Variants in PALM2AKAP2 observed in about 807,000 individuals in gnomAD.
PALM2AKAP2 encodes PALM2-AKAP2 fusion protein.
A neutral mutation model predicts 71.5 loss-of-function variants in PALM2AKAP2; 37 were observed. The observed-to-expected ratio is 0.52, with a 90% CI of 0.40 to 0.68. The LOEUF (loss-of-function observed/expected upper bound fraction) is 0.68, where lower values mean the gene tolerates loss of function less well. PALM2AKAP2 is among the 30% of genes least tolerant of loss of function. The probability of loss-of-function intolerance (pLI) is 0.00; values close to 1 mark genes in which losing one functional copy is unlikely to be tolerated. For synonymous variants in PALM2AKAP2, 468 were observed against 478.8 expected, an observed-to-expected ratio of 0.98 and a Z score of 0.29; for missense variants, 1,224 against 1,191.8, an observed-to-expected ratio of 1.03 and a Z score of -0.40.
chr9:110,122,412 A>T (rs140979655), intron 1 of PALM2AKAP2, among the ~76,000 whole-genome samples: 1 of 152,188 alleles, frequency 6.6e-6, no homozygotes, highest in Non-Finnish European at 1.5e-5. Context: ...TGCGGCTTCT[A>T]TGAGCACTGC....
At chr9:110,016,140 C>A in intron 7 of PALM2AKAP2, 101 bp downstream of exon 7, 1 of 1,136,618 alleles carries the variant, frequency 8.8e-7, no homozygotes, top group Non-Finnish European at 1.3e-6. Flanking sequence ...ACCAATCCAC[C>A]TTGCTAGAGT....
chr9:109,928,712 C>G (rs1029407599), intron 5 of PALM2AKAP2, among the ~76,000 whole-genome samples: 2 of 151,334 alleles, frequency 1.3e-5, no homozygotes, highest in Admixed American at 6.6e-5. Context: ...CACTCTGTCA[C>G]CCGGGCTGGA....
At chr9:109,862,351 T>G (rs975966186) in intron 1 of PALM2AKAP2, among the ~76,000 whole-genome samples, 1 of 152,202 alleles carries the variant, frequency 6.6e-6, no homozygotes, top group African/African-American at 2.4e-5. Context: ...ACTCAAACAA[T>G]GTAGTAGGAC....
chr9:109,834,488 G>A (rs1828399060), intron 1 of PALM2AKAP2, among the ~76,000 whole-genome samples: 1 of 152,208 alleles, frequency 6.6e-6, no homozygotes, highest in Non-Finnish European at 1.5e-5. Flanking sequence ...CAATCATCAT[G>A]TATTGGGATG....
chr9:110,006,283 T>C (rs914881816), intron 6 of PALM2AKAP2, among the ~76,000 whole-genome samples: 5 of 151,356 alleles, frequency 3.3e-5, no homozygotes, highest in African/African-American at 1.2e-4. Flanking sequence ...CTCTCTCTCT[T>C]CCTTTCTTTC....
At chr9:109,755,061 C>T (rs760793398) in intron 1 of PALM2AKAP2, among the ~76,000 whole-genome samples, 11 of 151,992 alleles carry the variant, frequency 7.2e-5, no homozygotes, top group Non-Finnish European at 1.5e-4. Flanking sequence ...CTCTGCCACC[C>T]GAGTCTAAGC....
chr9:109,757,112 C>T (rs1828975735), intron 1 of PALM2AKAP2, among the ~76,000 whole-genome samples: 2 of 152,196 alleles, frequency 1.3e-5, no homozygotes, highest in East Asian at 3.9e-4. Context: ...TTTATCCCCA[C>T]CTACCCTCAT....
chr9:110,142,474 A>G (rs1297528973), intron 2 of PALM2AKAP2, among the ~76,000 whole-genome samples: 2 of 152,250 alleles, frequency 1.3e-5, no homozygotes, highest in Non-Finnish European at 2.9e-5. Context: ...ATAAAAATGT[A>G]TAGTCCCTGC....
chr9:109,861,496 A>G (rs1564184837), intron 1 of PALM2AKAP2, among the ~76,000 whole-genome samples: 1 of 152,188 alleles, frequency 6.6e-6, no homozygotes, highest in Non-Finnish European at 1.5e-5. Flanking sequence ...AATACTTGCC[A>G]GGAAAATATA....
At chr9:109,931,641 G>C (rs529490265) in intron 5 of PALM2AKAP2, among the ~76,000 whole-genome samples, 1 of 152,164 alleles carries the variant, frequency 6.6e-6, no homozygotes, top group Non-Finnish European at 1.5e-5. Flanking sequence ...TCTTCCCCCC[G>C]TCCCTGAACT....
intron 1 of PALM2AKAP2, among the ~76,000 whole-genome samples, chr9:109,812,508 G>C (rs1564160170): frequency 6.6e-6 from 1 of 152,206 alleles, no homozygotes; most frequent in Non-Finnish European, 1.5e-5. Context: ...ATTTGGGAAA[G>C]GAAGGGGCAG....
chr9:109,662,466 C>T (rs1827414028), intron 1 of PALM2AKAP2, among the ~76,000 whole-genome samples: 1 of 152,204 alleles, frequency 6.6e-6, no homozygotes, highest in South Asian at 2.1e-4. Flanking sequence ...TGATGGATTA[C>T]GTTTATTGAT....
chr9:110,074,800 C>G (rs1309205231), intron 1 of PALM2AKAP2, among the ~76,000 whole-genome samples: 1 of 151,946 alleles, frequency 6.6e-6, no homozygotes, highest in South Asian at 2.1e-4. Context: ...GTCAAGAGTT[C>G]GAGACCAGCC....
chr9:110,005,999 T>C (rs1023813298), intron 6 of PALM2AKAP2, among the ~76,000 whole-genome samples: 1 of 152,188 alleles, frequency 6.6e-6, no homozygotes, highest in African/African-American at 2.4e-5. Context: ...CTCACCCTGC[T>C]TCGGCTCATG....
intron 7 of PALM2AKAP2, among the ~76,000 whole-genome samples, chr9:110,022,954 A>G (rs1833101011): frequency 6.6e-6 from 1 of 152,200 alleles, no homozygotes. Context: ...TATATGTGCC[A>G]CATTTTCTTA....
At chr9:109,950,044 G>T (rs957064814) in intron 6 of PALM2AKAP2, among the ~76,000 whole-genome samples, 5 of 152,140 alleles carry the variant, frequency 3.3e-5, no homozygotes, top group Non-Finnish European at 7.4e-5. Flanking sequence ...CAGCACTTTG[G>T]GGGGCCAAGG....
At chr9:110,062,846 C>T (rs1833992457) in intron 1 of PALM2AKAP2, among the ~76,000 whole-genome samples, 1 of 152,234 alleles carries the variant, frequency 6.6e-6, no homozygotes, top group Admixed American at 6.5e-5. Context: ...GTCACGCAAA[C>T]CTGCCTCCCC....
intron 3 of PALM2AKAP2, among the ~76,000 whole-genome samples, chr9:110,166,172 G>A (rs1324787588): frequency 6.6e-6 from 1 of 152,166 alleles, no homozygotes; most frequent in Admixed American, 6.5e-5. Flanking sequence ...ACTATGTGCT[G>A]GGAACTATAC....
At chr9:109,849,688 G>A (rs768087705) in intron 1 of PALM2AKAP2, among the ~76,000 whole-genome samples, 10 of 152,098 alleles carry the variant, frequency 6.6e-5, no homozygotes, top group Non-Finnish European at 1.3e-4. Context: ...CCCGGGAGGC[G>A]AAGGTTGCAG....
Sources: allele counts gnomAD v4.1 joint callset (sites outside exome capture counted in the v4.1 genomes callset), GRCh38; gene constraint gnomAD v4.1.1; transcripts MANE v1.5; gene names NCBI Gene and HGNC (gene_info 2026-07-23, HGNC 2026-07-21).